Variants in NDUFB7 observed in about 807,000 individuals in gnomAD.
The protein encoded by NDUFB7 is NADH dehydrogenase [ubiquinone] 1 beta subcomplex subunit 7.
A neutral mutation model predicts 14.7 loss-of-function variants in NDUFB7; 18 were observed. That is an observed-to-expected ratio of 1.22 (90% CI 0.85 to 1.81). NDUFB7 has a LOEUF of 1.81. Ranked by LOEUF, NDUFB7 falls within the 40% of genes most tolerant of loss-of-function variation. NDUFB7 has a pLI of 0.00. For synonymous variants in NDUFB7, 86 were observed against 76.1 expected (o/e 1.13, Z -0.68); for missense variants, 219 against 195.0 (o/e 1.12, Z -0.73).
chr19:14,569,824 T>C (rs1428137861), intron 1 of NDUFB7, among the ~76,000 whole-genome samples: 4 of 152,240 alleles, frequency 2.6e-5, no homozygotes, highest in African/African-American at 9.6e-5. Context: ...GTCCCTCCTC[T>C]GCTTAGAAGC....
chr19:14,566,171 G>A lies in NDUFB7; in HGVS notation c.376C>T (p.Gln126Ter). 6.8e-6 allele frequency: 11 copies of A among 1,613,424 alleles called. No individual in the cohort carries two copies. The highest frequency in any genetic ancestry group is 9.3e-6 in the Non-Finnish European group (11 of 1,179,752). Reference protein sequence around the residue: ...EKKAAELAKGQGPGEVDPKVA... With the variant: ...EKKAAELAKG ...TTGGGGTCCACTTCCCCGGGTCCCT[G>A]GCCTTTGGCCAACTCTGCCGCCTTC... Residue 126 changes from glutamine to a stop codon, truncating the protein, a stop_gained, in exon 3 of 3, where the codon CAG (glutamine) becomes TAG (stop). Coordinates refer to ENST00000215565, the MANE Select transcript of NDUFB7 (RefSeq NM_004146.6). LOFTEE classifies it high-confidence loss of function.
chr19:14,568,796 A>T (rs2074108341), intron 1 of NDUFB7, among the ~76,000 whole-genome samples: 1 of 152,120 alleles, frequency 6.6e-6, no homozygotes, highest in African/African-American at 2.4e-5. Flanking sequence ...GCTTGAACCC[A>T]GGAGTTTGAG....
chr19:14,571,362 G>A (rs963380368), intron 1 of NDUFB7, among the ~76,000 whole-genome samples: 1 of 152,128 alleles, frequency 6.6e-6, no homozygotes, highest in East Asian at 1.9e-4. Context: ...TGGGGAGGCC[G>A]AGGCGGGCGG....
chr19:14,566,163 G>T lies in NDUFB7; in HGVS notation c.384C>A (p.Pro128=). ...KAAELAKGQG[P]GEVDPKVAL ...GGGCCACCTTGGGGTCCACTTCCCC[G>T]GGTCCCTGGCCTTTGGCCAACTCTG... Residue 128 remains proline (P), a synonymous_variant, in exon 3 of 3, where the codon CCC becomes CCA. Coordinates refer to ENST00000215565, the MANE Select transcript of NDUFB7 (RefSeq NM_004146.6). 6.2e-7 allele frequency: 1 copy of T among 1,612,990 alleles called. No individual in the cohort carries two copies.
Position 14,566,757 on chromosome 19 carries a change from G to T in NDUFB7, c.281+8C>A. 6.5e-7 allele frequency: 1 copy of T among 1,540,770 alleles called. No homozygotes were observed. On this transcript the variant is annotated splice_region_variant and intron_variant, in intron 2 of 2. Coordinates refer to ENST00000215565, the MANE Select transcript of NDUFB7 (RefSeq NM_004146.6). ...CGGGGTGTTGGGGGCTGGTGTGGGG[G>T]TGCTCACTCGCGGTGCTCGCAGTAG...
rs201138299 is a variant in NDUFB7, at chr19:14,571,871, C to T, written c.112+18G>A. 1.3e-4 allele frequency: 204 copies of T among 1,597,964 alleles called. No homozygotes were observed. The highest frequency in any genetic ancestry group is 2.0e-4 in the Middle Eastern group (1 of 5,026). On this transcript the variant is annotated intron_variant, in intron 1 of 2. Coordinates refer to ENST00000215565, the MANE Select transcript of NDUFB7 (RefSeq NM_004146.6). ...CGCGCCCCACGCCCTCTGGCTGCGCCTGCGCACTGGGCCTCACCGCGCTCC... is the reference window on the plus strand; with the variant it reads ...CGCGCCCCACGCCCTCTGGCTGCGCTTGCGCACTGGGCCTCACCGCGCTCC...
rs1295000711 is a variant in NDUFB7, at chr19:14,566,232, C to T, written c.315G>A (p.Glu105=). 1 of 1,614,000 alleles carries T rather than the reference C, an allele frequency of 6.2e-7. No homozygotes were observed. Among genetic ancestry groups the T allele is most frequent in the Non-Finnish European group, 8.5e-7 (1 of 1,180,026 alleles). Residue 105 remains glutamate, a synonymous_variant, in exon 3 of 3, where the codon GAG becomes GAA. Coordinates refer to ENST00000215565, the MANE Select transcript of NDUFB7 (RefSeq NM_004146.6). The part of the protein sequence containing the change: ...YVMRMKEFER[E]RRLLQRKKRR... Reference sequence around the variant, plus strand: ...GCTTCTTCCGCTGGAGCAGCCTCCGCTCCCGCTCAAACTCCTTCATGCGCA... The same window carrying T: ...GCTTCTTCCGCTGGAGCAGCCTCCGTTCCCGCTCAAACTCCTTCATGCGCA...
chr19:14,567,772 G>A lies in NDUFB7; in HGVS notation c.113-839C>T, dbSNP rs570087699. Among the ~76,000 whole-genome samples the A allele has an allele frequency of 1.0e-3, 153 of 152,144 alleles. No individual in the cohort carries two copies. Among genetic ancestry groups the A allele is most frequent in the Middle Eastern group, 3.4e-3 (1 of 294 alleles). On this transcript the variant is annotated intron_variant, in intron 1 of 2. Coordinates refer to ENST00000215565, the MANE Select transcript of NDUFB7 (RefSeq NM_004146.6). This position sits in a 1 kb window ranked among gnomAD's most constrained non-coding sequence, Gnocchi z 5.1. ...AGACGAGATATATTCACATCTCAATGGCAGTCGTCCCCTGCTGGCTTCTCT... is the reference window on the plus strand; with the variant it reads ...AGACGAGATATATTCACATCTCAATAGCAGTCGTCCCCTGCTGGCTTCTCT...
intron 2 of NDUFB7, 122 bp from the exon 3 acceptor site, chr19:14,566,387 G>C (rs2074085426): frequency 9.4e-6 from 14 of 1,488,320 alleles, no homozygotes; most frequent in South Asian, 2.5e-5. Flanking sequence ...AGACATGTCC[G>C]AGTGCCTGTG....
In NDUFB7 at chr19:14,567,557, T is replaced by C. The variant is rs1238695120; in HGVS notation, c.113-624A>G. ...CGGTGCCCCACTCACCTAGCAAACC[T>C]GACTCCGGACAAATCAACCTTCAGG... On this transcript the variant is annotated intron_variant, in intron 1 of 2. Coordinates refer to ENST00000215565, the MANE Select transcript of NDUFB7 (RefSeq NM_004146.6). The surrounding 1 kb of genome is among the most constrained non-coding windows in gnomAD (Gnocchi z 5.1). Among the ~76,000 whole-genome samples, 1 of 151,980 alleles carries C rather than the reference T, an allele frequency of 6.6e-6. No individual in the cohort carries two copies. The highest frequency in any genetic ancestry group is 1.5e-5 in the Non-Finnish European group (1 of 67,980).
chr19:14,566,727 C>T (rs778306248), intron 2 of NDUFB7, 38 bp downstream of exon 2: 23 of 1,404,014 alleles, frequency 1.6e-5, no homozygotes, highest in Middle Eastern at 2.5e-4. Context: ...TGGGGTGTTG[C>T]GGGCCGGGGT....
rs773026248 is a variant in NDUFB7, at chr19:14,566,863, G to C, written c.183C>G (p.His61Gln). 6.4e-7 allele frequency: 1 copy of C among 1,572,660 alleles called. No homozygotes were observed. Among genetic ancestry groups the C allele is most frequent in the Admixed American group, 1.8e-5 (1 of 54,508 alleles). ...TGCACTTGAGCAGCCGGATGAGGTGGTGGGCGCAGTAGTCCCGCAGCTGGA... is the reference window on the plus strand; with the variant it reads ...TGCACTTGAGCAGCCGGATGAGGTGCTGGGCGCAGTAGTCCCGCAGCTGGA... ...LRLQLRDYCAHHLIRLLKCKR... is the reference protein window; with the variant it reads ...LRLQLRDYCAQHLIRLLKCKR... The change falls in exon 2 of 3, where the codon CAC becomes CAG. Residue 61 changes from histidine to glutamine, a missense_variant. Transcript: ENST00000215565.
chr19:14,571,904 C>G lies in NDUFB7; in HGVS notation c.97G>C (p.Glu33Gln), dbSNP rs2146645044. 4.3e-6 allele frequency: 7 copies of G among 1,610,364 alleles called. No individual in the cohort carries two copies. The highest frequency in any genetic ancestry group is 5.9e-6 in the Non-Finnish European group (7 of 1,179,030). The stretch of plus-strand genomic sequence containing the variant: ...TGGGCCTCACCGCGCTCCTTGCGTT[C>G]GGGGAAGCCGTAGTCTGGCGGGAAG... ...PTFPPDYGFP[E>Q]RKEREMVATQ... Residue 33 changes from glutamate to glutamine, a missense_variant, in exon 1 of 3, where the codon GAA becomes CAA. By Grantham distance (29) the Glu-to-Gln change is conservative. Coordinates refer to ENST00000215565, the MANE Select transcript of NDUFB7 (RefSeq NM_004146.6).
chr19:14,568,264 T>C (rs1348237678), intron 1 of NDUFB7, among the ~76,000 whole-genome samples: 7 of 152,184 alleles, frequency 4.6e-5, no homozygotes, highest in Non-Finnish European at 8.8e-5. Context: ...AGGCTGGTCT[T>C]GAACTCCTGA....
At position 14,566,128 on chromosome 19, in the gene NDUFB7, AC is replaced by A; in HGVS notation, c.*4del. On this transcript the variant is annotated 3_prime_UTR_variant, in exon 3 of 3. Coordinates refer to ENST00000215565, the MANE Select transcript of NDUFB7 (RefSeq NM_004146.6). ...GACTGGTCCATAGGGTGGGGGGTGC[AC>A]CCCCTACAGGGCCACCTTGGGGTCC... is the stretch of plus-strand genomic sequence containing the variant. 1.2e-6 allele frequency: 2 copies of A among 1,607,308 alleles called. No homozygotes were observed. Among genetic ancestry groups the A allele is most frequent in the Non-Finnish European group, 8.5e-7 (1 of 1,176,960 alleles).
chr19:14,567,027 C>A lies in NDUFB7; in HGVS notation c.113-94G>T. On this transcript the variant is annotated intron_variant, in intron 1 of 2. Transcript: ENST00000215565. This position sits in a 1 kb window ranked among gnomAD's most constrained non-coding sequence, Gnocchi z 5.1. ...ACCGAGGCACACGGCTTCAGGAAGG[C>A]ACGGCTTGGGGTGTCCCCCATTCAC... 1 of 1,334,502 alleles carries A rather than the reference C, an allele frequency of 7.5e-7. No homozygotes were observed. The highest frequency in any genetic ancestry group is 1.0e-6 in the Non-Finnish European group (1 of 985,530). The allele number at this position is 1,334,502 out of a possible 1,614,324, so 82.7% of individuals were successfully genotyped here. A position where few individuals can be genotyped will look rare whatever the true frequency, so the allele number is the denominator to read the frequency against.
intron 1 of NDUFB7, among the ~76,000 whole-genome samples, chr19:14,568,091 C>G (rs1599514745): frequency 6.6e-6 from 1 of 152,320 alleles, no homozygotes; most frequent in South Asian, 2.1e-4. Flanking sequence ...GTCACCCAGG[C>G]TGGAGGGCAG....
In NDUFB7 at chr19:14,571,900, C is replaced by A. The variant is rs1284343720; in HGVS notation, c.101G>T (p.Arg34Leu). ...TFPPDYGFPE[R>L]KEREMVATQQ... ...GCACTGGGCCTCACCGCGCTCCTTG[C>A]GTTCGGGGAAGCCGTAGTCTGGCGG... The change falls in exon 1 of 3, where the codon CGC becomes CTC. Residue 34 changes from arginine to leucine, a missense_variant. By Grantham distance (102) the Arg-to-Leu change is moderately radical. Coordinates refer to ENST00000215565, the MANE Select transcript of NDUFB7 (RefSeq NM_004146.6). The A allele has an allele frequency of 1.9e-6, 3 of 1,609,862 alleles. No homozygotes were observed. The highest frequency in any genetic ancestry group is 2.5e-6 in the Non-Finnish European group (3 of 1,178,780).
intron 1 of NDUFB7, 30 bp downstream of exon 1, chr19:14,571,859 C>T (rs758043535): frequency 5.7e-6 from 9 of 1,588,040 alleles, no homozygotes; most frequent in Admixed American, 3.6e-5. Context: ...GCCCCACGCC[C>T]TCTGGCTGCG....
Sources: allele counts gnomAD v4.1 joint callset (sites outside exome capture counted in the v4.1 genomes callset), GRCh38; gene constraint gnomAD v4.1.1; non-coding constraint Gnocchi (gnomAD v3.1); transcripts MANE v1.5; gene names NCBI Gene and HGNC (gene_info 2026-07-23, HGNC 2026-07-21).